The following PKN2 variants were observed in gnomAD, a reference collection of about 807,000 sequenced individuals.
PKN2 encodes serine/threonine-protein kinase N2.
Under a neutral mutation model 119.1 loss-of-function variants are expected in PKN2, and 38 were observed. That is an observed-to-expected ratio of 0.32 (90% CI 0.25 to 0.42). The LOEUF is 0.42. Ranked by LOEUF, PKN2 falls within the 10% of genes least tolerant of loss-of-function variation. The pLI is 1.00. For missense variants in PKN2, 850 were observed against 1,165.1 expected (o/e 0.73, Z 3.94); for synonymous variants, 390 against 384.9 (o/e 1.01, Z -0.15).
chr1:88,769,622 T>C (rs1410408839), intron 3 of PKN2, among the ~76,000 whole-genome samples: 4 of 152,276 alleles, frequency 2.6e-5, no homozygotes, highest in South Asian at 2.1e-4. Flanking sequence ...CAATGAAATA[T>C]TGTTCAGCCT....
chr1:88,753,632 A>G (rs2100768298), intron 2 of PKN2, among the ~76,000 whole-genome samples: 1 of 150,958 alleles, frequency 6.6e-6, no homozygotes, highest in African/African-American at 2.5e-5. Flanking sequence ...GTCATGGTGG[A>G]AGGCGAAAGA....
chr1:88,711,606 GTTATT>G (rs1667237305), intron 1 of PKN2, among the ~76,000 whole-genome samples: 1 of 152,130 alleles, frequency 6.6e-6, no homozygotes, highest in Non-Finnish European at 1.5e-5. Flanking sequence ...TTAAATCATA[GTTATT>G]TAAGTTCTCA....
chr1:88,807,617 G>T lies in PKN2; in HGVS notation c.2010+13G>T. 1 of 1,591,536 alleles carries T rather than the reference G, an allele frequency of 6.3e-7. No individual in the cohort carries two copies. Among genetic ancestry groups the T allele is most frequent in the Non-Finnish European group, 8.6e-7 (1 of 1,162,852 alleles). On this transcript the variant is annotated intron_variant, in intron 14 of 21. Coordinates refer to ENST00000370521, the MANE Select transcript of PKN2 (RefSeq NM_006256.4). ...ACATTTTGGAAAGGTAATCTTTTTG[G>T]AATTTTTTGGAATATCTACAACATT...
chr1:88,735,266 C>G (rs1054092435), intron 1 of PKN2, among the ~76,000 whole-genome samples: 4 of 152,080 alleles, frequency 2.6e-5, no homozygotes, highest in African/African-American at 7.2e-5. Context: ...TTGAATGATC[C>G]TCCCACCCCA....
At chr1:88,728,901 T>TC (rs1668010501) in intron 1 of PKN2, among the ~76,000 whole-genome samples, 1 of 151,560 alleles carries the variant, frequency 6.6e-6, no homozygotes, top group Non-Finnish European at 1.5e-5. Context: ...CATCTTTTTT[T>TC]TTTTTTTTTT....
chr1:88,718,340 C>T (rs1242943043), intron 1 of PKN2, among the ~76,000 whole-genome samples: 1 of 152,186 alleles, frequency 6.6e-6, no homozygotes, highest in Non-Finnish European at 1.5e-5. Flanking sequence ...AGAACCACTG[C>T]TCTCCAAAGC....
chr1:88,814,832 C>T (rs1177533234), intron 16 of PKN2, among the ~76,000 whole-genome samples: 1 of 152,166 alleles, frequency 6.6e-6, no homozygotes, highest in Admixed American at 6.5e-5. Context: ...ATTGTATTTA[C>T]TCTTTAGTTT....
In PKN2 at chr1:88,807,564, T is replaced by G. The variant is rs376189560; in HGVS notation, c.1970T>G (p.Phe657Cys). The G allele has an allele frequency of 1.6e-5, 26 of 1,612,676 alleles. No individual in the cohort carries two copies. Among genetic ancestry groups the G allele is most frequent in the Non-Finnish European group, 2.2e-5 (26 of 1,179,160 alleles). ...QQRFQFNLQDFRCCAVLGRGH... is the reference protein window; with the variant it reads ...QQRFQFNLQDCRCCAVLGRGH... ...AGGTTTCAGTTTAATCTACAAGATT[T>G]CAGGTGTTGTGCTGTCTTGGGAAGA... The change falls in exon 14 of 22, where the codon TTC (phenylalanine) becomes TGC (cysteine). Residue 657 changes from phenylalanine to cysteine, a missense_variant. Physicochemically the swap from Phe to Cys is radical, Grantham distance 205. Transcript: ENST00000370521.
chr1:88,701,295 T>C (rs899093584), intron 1 of PKN2, among the ~76,000 whole-genome samples: 1 of 152,144 alleles, frequency 6.6e-6, no homozygotes, highest in Non-Finnish European at 1.5e-5. Context: ...AATACAAAAA[T>C]TAGCCTGGCA....
rs544099345 is a variant in PKN2 at position 88,799,024 on chromosome 1, G to C, written c.1282-5367G>C. Among the ~76,000 whole-genome samples the C allele has an allele frequency of 7.9e-5, 12 of 152,324 alleles. No homozygotes were observed. The South Asian group carries it at 1.5e-3, about 18-fold the overall frequency. ...GTTTGAGTTGGAGAATAAGATATAA[G>C]ATTAGAAATAGAAGCTATATATGTA... On this transcript the variant is annotated intron_variant, in intron 8 of 21. Transcript: ENST00000370521.
rs1036046786 is a variant in PKN2, at chr1:88,736,345, T to C, written c.49-4643T>C. The stretch of plus-strand genomic sequence containing the variant: ...TTTTGTTTGTTGCATGAAATTATGG[T>C]TCCTGAATGCTTTCTTAAAATTTTT... On this transcript the variant is annotated intron_variant, in intron 1 of 21. Transcript: ENST00000370521. Among the ~76,000 whole-genome samples the C allele has an allele frequency of 3.3e-5, 5 of 152,080 alleles. No individual in the cohort carries two copies. The East Asian group carries it at 9.6e-4, about 29-fold the overall frequency.
chr1:88,794,467 TG>T (rs918264911), intron 8 of PKN2, among the ~76,000 whole-genome samples: 1 of 151,920 alleles, frequency 6.6e-6, no homozygotes, highest in African/African-American at 2.4e-5. Flanking sequence ...TAGCCAAGTT[TG>T]GGGCACAAGC....
At chr1:88,704,516 A>G (rs1666896759) in intron 1 of PKN2, among the ~76,000 whole-genome samples, 1 of 152,202 alleles carries the variant, frequency 6.6e-6, no homozygotes, top group African/African-American at 2.4e-5. Context: ...TAAGAGAAAA[A>G]TGGCTAAAAC....
chr1:88,710,691 A>C (rs748721004), intron 1 of PKN2, among the ~76,000 whole-genome samples: 1 of 152,228 alleles, frequency 6.6e-6, no homozygotes, highest in African/African-American at 2.4e-5. Flanking sequence ...ATGCTTATAC[A>C]CTGTTGGTGG....
intron 8 of PKN2, among the ~76,000 whole-genome samples, chr1:88,798,480 T>C (rs1204805143): frequency 6.6e-6 from 1 of 152,014 alleles, no homozygotes; most frequent in Admixed American, 6.6e-5. Context: ...TATTGATAAA[T>C]TGTTGGTGCT....
At chr1:88,689,535 G>A (rs1022601520) in intron 1 of PKN2, among the ~76,000 whole-genome samples, 6 of 152,158 alleles carry the variant, frequency 3.9e-5, no homozygotes, top group African/African-American at 7.2e-5. Context: ...TGCAGGCTGG[G>A]CATAGTGGCT....
chr1:88,814,159 A>G (rs1321056725), intron 16 of PKN2, among the ~76,000 whole-genome samples: 1 of 152,188 alleles, frequency 6.6e-6, no homozygotes. Context: ...AGCATAATTT[A>G]AAAGAATATC....
At chr1:88,710,845 A>G (rs180989614) in intron 1 of PKN2, among the ~76,000 whole-genome samples, 19 of 152,318 alleles carry the variant, frequency 1.2e-4, no homozygotes, top group Admixed American at 9.2e-4. Context: ...AGACACATTC[A>G]CGCATATGTT....
rs182478665 is a variant in PKN2 at position 88,805,776 on chromosome 1, T to C, written c.1676+105T>C. 1.7e-5 allele frequency: 28 copies of C among 1,601,874 alleles called. No homozygotes were observed. In the Admixed American group the frequency reaches 4.8e-4, roughly 28 times the overall value. ...AGTCTTGCTTTTTTCCCAAGTAGTA[T>C]TTTGAAAGTAGTGTTCTGTTTACTT... On this transcript the variant is annotated intron_variant, in intron 11 of 21. Transcript: ENST00000370521.
Sources: gnomAD v4.1 joint callset for allele counts (sites outside exome capture counted in the v4.1 genomes callset) on GRCh38, gnomAD v4.1.1 for gene constraint, MANE v1.5 for transcripts, NCBI Gene and HGNC (gene_info 2026-07-23, HGNC 2026-07-21) for gene names.